The following ZNF236 variants were observed in gnomAD, a reference collection of about 807,000 sequenced individuals.
ZNF236 encodes zinc finger protein 236, also known as regulated by glucose.
ZNF236 carries 50 observed loss-of-function variants against 191.2 expected under a neutral mutation model. That is an observed-to-expected ratio of 0.26 (90% CI 0.21 to 0.33). The LOEUF (loss-of-function observed/expected upper bound fraction) is 0.33, where lower values mean the gene tolerates loss of function less well. ZNF236 is among the 10% of genes least tolerant of loss of function. ZNF236 has a pLI of 1.00. For missense variants in ZNF236, 1,754 were observed against 2,374.5 expected, an observed-to-expected ratio of 0.74 and a Z score of 5.43; for synonymous variants, 907 against 928.8, an observed-to-expected ratio of 0.98 and a Z score of 0.43.
intron 3 of ZNF236, among the ~76,000 whole-genome samples, chr18:76,867,007 C>A (rs1017183306): frequency 6.6e-6 from 1 of 152,108 alleles, no homozygotes; most frequent in Non-Finnish European, 1.5e-5. Flanking sequence ...CCAACAAATG[C>A]CTGAGTAATA....
At chr18:76,916,979 G>A (rs891496988) in intron 19 of ZNF236, among the ~76,000 whole-genome samples, 1 of 152,168 alleles carries the variant, frequency 6.6e-6, no homozygotes, top group African/African-American at 2.4e-5. Flanking sequence ...GGTCCCCGGT[G>A]GGTTATGGCA....
At chr18:76,902,239 G>A (rs1977614041) in intron 11 of ZNF236, among the ~76,000 whole-genome samples, 2 of 152,184 alleles carry the variant, frequency 1.3e-5, no homozygotes, top group South Asian at 4.1e-4. Context: ...ATTTGTATTT[G>A]TGTTCATCTC....
chr18:76,901,128 CTTAA>C lies in ZNF236; in HGVS notation c.1894+1912_1894+1915del, dbSNP rs1458117977. On this transcript the variant is annotated intron_variant, in intron 11 of 30. Transcript: ENST00000320610. ...CAGGCAGCCTGGGGCTTGAGGACCC[CTTAA>C]TTAATACATATAATGGAATTGGAGA... Among the ~76,000 whole-genome samples the C allele has an allele frequency of 3.9e-5, 6 of 152,206 alleles. No individual in the cohort carries two copies. The East Asian group carries it at 5.8e-4, about 15-fold the overall frequency.
chr18:76,949,744 C>T (rs953277999), intron 27 of ZNF236, among the ~76,000 whole-genome samples: 11 of 151,574 alleles, frequency 7.3e-5, no homozygotes, highest in African/African-American at 2.4e-4. Flanking sequence ...CTGCAACCTC[C>T]GCCTCCTGGG....
At chr18:76,825,201 C>T (rs17059945) in intron 1 of ZNF236, among the ~76,000 whole-genome samples, 8 of 152,092 alleles carry the variant, frequency 5.3e-5, no homozygotes, top group Admixed American at 5.2e-4. Context: ...GATTTAGCGT[C>T]TTCAGAGAGG....
At chr18:76,866,377 A>G (rs1976403315) in intron 3 of ZNF236, among the ~76,000 whole-genome samples, 1 of 152,208 alleles carries the variant, frequency 6.6e-6, no homozygotes, top group Non-Finnish European at 1.5e-5. Context: ...CATTAGGAAA[A>G]GAAGCATGGC....
intron 1 of ZNF236, among the ~76,000 whole-genome samples, chr18:76,829,983 G>A (rs1215068282): frequency 3.3e-5 from 5 of 152,208 alleles, no homozygotes; most frequent in Non-Finnish European, 7.3e-5. Context: ...TGATTATCCT[G>A]CCTCAGCCAC....
At chr18:76,873,900 C>A (rs1976645690) in intron 5 of ZNF236, among the ~76,000 whole-genome samples, 1 of 151,628 alleles carries the variant, frequency 6.6e-6, no homozygotes, top group South Asian at 2.1e-4. Flanking sequence ...CCTCTCCTGT[C>A]CCCATGCGGG....
intron 1 of ZNF236, among the ~76,000 whole-genome samples, chr18:76,843,046 T>C (rs1975556778): frequency 6.6e-6 from 1 of 152,214 alleles, no homozygotes; most frequent in Admixed American, 6.5e-5. Flanking sequence ...TCTGAGGGAC[T>C]CTGCAAAGAA....
In ZNF236 at chr18:76,968,366, A is replaced by AT; in HGVS notation, c.*28dup. 2.5e-6 allele frequency: 4 copies of AT among 1,593,104 alleles called. No homozygotes were observed. The highest frequency in any genetic ancestry group is 3.4e-6 in the Non-Finnish European group (4 of 1,174,658). ...GCGAGTTGGAAGTACACCTTTAAGA[A>AT]TGTTTCTGAAGTTACGTTTTGTGAA... On this transcript the variant is annotated 3_prime_UTR_variant, in exon 31 of 31. Coordinates refer to ENST00000320610, the MANE Select transcript of ZNF236 (RefSeq NM_001306089.2).
chr18:76,857,766 T>G (rs1288367050), intron 3 of ZNF236, among the ~76,000 whole-genome samples: 1 of 152,212 alleles, frequency 6.6e-6, no homozygotes, highest in African/African-American at 2.4e-5. Context: ...AATGTTTGTA[T>G]GTTCTTATTT....
chr18:76,960,956 T>C lies in ZNF236; in HGVS notation c.5419+101T>C. On this transcript the variant is annotated intron_variant, in intron 30 of 30. Coordinates refer to ENST00000320610, the MANE Select transcript of ZNF236 (RefSeq NM_001306089.2). The surrounding 1 kb of genome is among the most constrained non-coding windows in gnomAD (Gnocchi z 4.4). ...CTTTAGTTCACACAGTGATTTTGCATTGCACGTGGTACAGCCTCAGTTGTG... is the reference window on the plus strand; with the variant it reads ...CTTTAGTTCACACAGTGATTTTGCACTGCACGTGGTACAGCCTCAGTTGTG... 7.7e-7 allele frequency: 1 copy of C among 1,292,292 alleles called. No individual in the cohort carries two copies. Among genetic ancestry groups the C allele is most frequent in the East Asian group, 2.5e-5 (1 of 39,436 alleles). 80.1% of individuals were successfully genotyped at this position (1,292,292 alleles called of 1,614,324 possible).
At chr18:76,944,108 G>A (rs1340748944) in intron 26 of ZNF236, among the ~76,000 whole-genome samples, 1 of 152,146 alleles carries the variant, frequency 6.6e-6, no homozygotes, top group Non-Finnish European at 1.5e-5. Context: ...GTCTCAGCAG[G>A]CCCAAGTTAA....
At chr18:76,870,241 C>T (rs1218366906) in intron 4 of ZNF236, among the ~76,000 whole-genome samples, 5 of 151,072 alleles carry the variant, frequency 3.3e-5, no homozygotes, top group African/African-American at 7.3e-5. Flanking sequence ...TAATGTGGTA[C>T]GCACCTAATG....
chr18:76,876,299 G>T (rs1239430097), intron 6 of ZNF236, among the ~76,000 whole-genome samples: 1 of 152,168 alleles, frequency 6.6e-6, no homozygotes, highest in African/African-American at 2.4e-5. Flanking sequence ...AGAATACAAA[G>T]AAATATTTAA....
At chr18:76,826,259 G>A (rs1335117238) in intron 1 of ZNF236, among the ~76,000 whole-genome samples, 5 of 150,812 alleles carry the variant, frequency 3.3e-5, no homozygotes, top group Admixed American at 6.6e-5. Context: ...TTACAGGCGT[G>A]AGCCACCATG....
At chr18:76,908,988 TG>T (rs1420032015) in intron 14 of ZNF236, among the ~76,000 whole-genome samples, 44 of 149,536 alleles carry the variant, frequency 2.9e-4, no homozygotes, top group Admixed American at 1.3e-3. Flanking sequence ...TGTGTGTGTG[TG>T]TGTGTGTGTG....
In ZNF236 at chr18:76,839,321, T is replaced by G. The variant is rs192472583; in HGVS notation, c.56-10205T>G. ...CTGCTAAATAGCTTTCAAGAGTGGCTATAGCAATTTTCATGCCCTCTGGCA... is the reference window on the plus strand; with the variant it reads ...CTGCTAAATAGCTTTCAAGAGTGGCGATAGCAATTTTCATGCCCTCTGGCA... On this transcript the variant is annotated intron_variant, in intron 1 of 30. Coordinates refer to ENST00000320610, the MANE Select transcript of ZNF236 (RefSeq NM_001306089.2). Among the ~76,000 whole-genome samples, 15 of 152,316 alleles carry G rather than the reference T, an allele frequency of 9.8e-5. No individual in the cohort carries two copies. The East Asian group carries it at 2.9e-3, about 29-fold the overall frequency.
At chr18:76,828,337 T>C (rs1357749977) in intron 1 of ZNF236, among the ~76,000 whole-genome samples, 1 of 152,016 alleles carries the variant, frequency 6.6e-6, no homozygotes, top group Admixed American at 6.5e-5. Flanking sequence ...TGGCTAATTT[T>C]TTGTATTTTT....
Sources: allele counts gnomAD v4.1 joint callset (sites outside exome capture counted in the v4.1 genomes callset), GRCh38; gene constraint gnomAD v4.1.1; non-coding constraint Gnocchi (gnomAD v3.1); transcripts MANE v1.5; gene names NCBI Gene and HGNC (gene_info 2026-07-23, HGNC 2026-07-21).